WSB1: variants seen among roughly 807,000 people sequenced by gnomAD.
WSB1 encodes the protein WD repeat and SOCS box-containing protein 1.
A neutral mutation model predicts 50.2 loss-of-function variants in WSB1; 23 were observed. The observed-to-expected ratio is 0.46, with a 90% CI of 0.33 to 0.65. The LOEUF (loss-of-function observed/expected upper bound fraction) is 0.65, where lower values mean the gene tolerates loss of function less well. Among genes scored for constraint, WSB1 ranks in the 30% least tolerant of loss-of-function variants. WSB1 has a pLI of 0.02. For synonymous variants in WSB1, 179 were observed against 172.0 expected, an observed-to-expected ratio of 1.04 and a Z score of -0.32; for missense variants, 492 against 522.3, an observed-to-expected ratio of 0.94 and a Z score of 0.56.
At chr17:27,305,490 T>C (rs1262544151) in intron 4 of WSB1, among the ~76,000 whole-genome samples, 2 of 152,258 alleles carry the variant, frequency 1.3e-5, no homozygotes, top group Non-Finnish European at 2.9e-5. Context: ...GTTTTGGAGA[T>C]GCTACCTCAT....
At chr17:27,304,437 G>A (rs1443734982) in intron 3 of WSB1, among the ~76,000 whole-genome samples, 1 of 148,006 alleles carries the variant, frequency 6.8e-6, no homozygotes, top group Admixed American at 7.0e-5. Context: ...TAAAGTTCAT[G>A]CCTGTAATTC....
At chr17:27,303,293 T>A in intron 2 of WSB1, 74 bp from the exon 3 acceptor site, 3 of 1,483,702 alleles carry the variant, frequency 2.0e-6, no homozygotes, top group Non-Finnish European at 2.7e-6. Context: ...TAACAAACAC[T>A]TGTAATTATT....
At chr17:27,299,678 A>G (rs2150829971) in intron 1 of WSB1, among the ~76,000 whole-genome samples, 1 of 152,348 alleles carries the variant, frequency 6.6e-6, no homozygotes, top group South Asian at 2.1e-4. Context: ...ATTTATCCAG[A>G]AAAGTATGAT....
chr17:27,312,417 A>G lies in WSB1; in HGVS notation c.*48A>G, dbSNP rs2017723172. On this transcript the variant is annotated 3_prime_UTR_variant, in exon 9 of 9. Transcript: ENST00000262394. Reference sequence around the variant, plus strand: ...TAGGGACTGACAGAATACACTTAACACAAACCTCAAGCTTTACTGACTTCA... The same window carrying G: ...TAGGGACTGACAGAATACACTTAACGCAAACCTCAAGCTTTACTGACTTCA... The G allele has an allele frequency of 6.3e-7, 1 of 1,588,404 alleles. No individual in the cohort carries two copies. The highest frequency in any genetic ancestry group is 1.4e-5 in the African/African-American group (1 of 73,110).
chr17:27,309,879 C>T (rs1035025741), intron 6 of WSB1, among the ~76,000 whole-genome samples, 182 bp from the exon 7 acceptor site: 3 of 152,160 alleles, frequency 2.0e-5, no homozygotes, highest in African/African-American at 4.8e-5. Context: ...CTGCGCCCGA[C>T]CATAAAAGAT....
chr17:27,303,776 T>G, intron 3 of WSB1, 141 bp downstream of exon 3: 1 of 993,792 alleles, frequency 1.0e-6, no homozygotes, highest in South Asian at 1.7e-5. Context: ...ATAATAGACC[T>G]GAATGTCACC....
intron 1 of WSB1, 39 bp downstream of exon 1, chr17:27,294,474 G>T (rs1291632658): frequency 6.2e-7 from 1 of 1,610,906 alleles, no homozygotes; most frequent in African/African-American, 1.3e-5. Context: ...TGAGGGCCGA[G>T]GAGAGGCAGG....
At position 27,303,482 on chromosome 17, in the gene WSB1, A is replaced by G. The variant is rs756489918; in HGVS notation, c.325A>G (p.Ile109Val). The change falls in exon 3 of 9, where the codon ATA becomes GTA. Residue 109 changes from isoleucine (I) to valine (V), a missense_variant. Coordinates refer to ENST00000262394, the MANE Select transcript of WSB1 (RefSeq NM_015626.10). ...PREHIIDCGDIVWSLAFGSSV... is the reference protein window; with the variant it reads ...PREHIIDCGDVVWSLAFGSSV... ...TGAACATATTATAGACTGTGGAGAT[A>G]TAGTCTGGAGTCTTGCTTTTGGGTC... The G allele has an allele frequency of 3.7e-6, 6 of 1,614,054 alleles. No homozygotes were observed. Among genetic ancestry groups the G allele is most frequent in the Admixed American group, 1.7e-5 (1 of 60,000 alleles).
At chr17:27,297,229 A>G (rs1329672759) in intron 1 of WSB1, 2 of 152,000 alleles carry the variant, frequency 1.3e-5, no homozygotes, top group African/African-American at 4.8e-5. Flanking sequence ...GCAGTAGCGC[A>G]GTCTCAGCTT....
intron 5 of WSB1, chr17:27,307,565 G>C: frequency 1.6e-6 from 1 of 619,516 alleles, no homozygotes; most frequent in Non-Finnish European, 2.7e-6. Context: ...TGGGAGGCTA[G>C]TTGAAATGCA....
chr17:27,303,379 C>T lies in WSB1; in HGVS notation c.222C>T (p.Gly74=), dbSNP rs2017314563. The change falls in exon 3 of 9, where the codon GGC becomes GGT. Residue 74 remains glycine, a synonymous_variant. Coordinates refer to ENST00000262394, the MANE Select transcript of WSB1 (RefSeq NM_015626.10). ...SQCLQNFLLH[G]TKNVTNSSSL... Reference sequence around the variant, plus strand: ...TCCCCCACTCCAGTCTCTTGCATGGCACCAAGAATGTTACCAATTCAAGCA... The same window carrying T: ...TCCCCCACTCCAGTCTCTTGCATGGTACCAAGAATGTTACCAATTCAAGCA... 1 of 1,613,826 alleles carries T rather than the reference C, an allele frequency of 6.2e-7. No homozygotes were observed. Among genetic ancestry groups the T allele is most frequent in the South Asian group, 1.1e-5 (1 of 91,078 alleles).
chr17:27,304,932 A>G lies in WSB1; in HGVS notation c.610+21A>G, dbSNP rs201209966. On this transcript the variant is annotated intron_variant, in intron 4 of 8. Coordinates refer to ENST00000262394, the MANE Select transcript of WSB1 (RefSeq NM_015626.10). ...TGATGGTATGTCTTTTTTCCAAGCT[A>G]TGAACTAGGATTTGTTTCTTGATAC... 4.5e-5 allele frequency: 72 copies of G among 1,612,946 alleles called. No homozygotes were observed. In the African/African-American group the frequency reaches 7.9e-4, roughly 18 times the overall value.
rs11550667 is a variant in WSB1, at chr17:27,294,256, C to T, written c.-140C>T. On this transcript the variant is annotated 5_prime_UTR_variant, in exon 1 of 9. Transcript: ENST00000262394. ...CTTTCCCGAGGCAGTTAGCAGAAGCCGCAGCGGCCGCCCCCGCCCGTCTCC... is the reference window on the plus strand; with the variant it reads ...CTTTCCCGAGGCAGTTAGCAGAAGCTGCAGCGGCCGCCCCCGCCCGTCTCC... The T allele has an allele frequency of 5.0e-6, 6 of 1,190,880 alleles. No homozygotes were observed. In the South Asian group the frequency reaches 9.1e-5, roughly 18 times the overall value. The allele number at this position is 1,190,880 out of a possible 1,614,324, so 73.8% of individuals were successfully genotyped here. A position where few individuals can be genotyped will look rare whatever the true frequency, so the allele number is the denominator to read the frequency against.
chr17:27,297,202 G>C (rs1335026085), intron 1 of WSB1: 1 of 151,430 alleles, frequency 6.6e-6, no homozygotes, highest in Admixed American at 6.6e-5. Flanking sequence ...GTCTCGCTCC[G>C]TCGTCCAGGC....
intron 5 of WSB1, chr17:27,307,996 TAC>T: frequency 1.6e-6 from 2 of 1,237,394 alleles, no homozygotes; most frequent in Non-Finnish European, 2.0e-6. Flanking sequence ...CACAGTAAAA[TAC>T]ACTGACTCCT....
chr17:27,297,843 C>T (rs1324145728), intron 1 of WSB1, among the ~76,000 whole-genome samples: 1 of 152,018 alleles, frequency 6.6e-6, no homozygotes, highest in African/African-American at 2.4e-5. Flanking sequence ...CACGGTGGCT[C>T]ATGCGTGTAA....
chr17:27,312,345 GGA>G lies in WSB1; in HGVS notation c.1244_1245del (p.Glu415ValfsTer18). The G allele has an allele frequency of 3.7e-6, 6 of 1,614,036 alleles. No homozygotes were observed. Among genetic ancestry groups the G allele is most frequent in the Non-Finnish European group, 5.1e-6 (6 of 1,180,010 alleles). Reference protein sequence around the residue: ...QELPIPSKLLEFLSYRI With the variant: ...QELPIPSKLLXFLSYRI ...AGCTGCCGATTCCTTCCAAGCTTTTGGAGTTTCTCTCGTATCGTATTTAGAAG... is the reference window on the plus strand; with the variant it reads ...AGCTGCCGATTCCTTCCAAGCTTTTGGTTTCTCTCGTATCGTATTTAGAAG... On this transcript the variant is annotated frameshift_variant, in exon 9 of 9. Coordinates refer to ENST00000262394, the MANE Select transcript of WSB1 (RefSeq NM_015626.10). LOFTEE classifies it high-confidence loss of function.
Position 27,301,896 on chromosome 17 carries a change from C to G in WSB1, c.149C>G (p.Ala50Gly), listed in dbSNP as rs372357599. 1.2e-4 allele frequency: 201 copies of G among 1,613,344 alleles called. No homozygotes were observed. Among genetic ancestry groups the G allele is most frequent in the Non-Finnish European group, 1.6e-4 (191 of 1,179,716 alleles). The change falls in exon 2 of 9, where the codon GCT becomes GGT. Residue 50 changes from alanine (A) to glycine (G), a missense_variant. Coordinates refer to ENST00000262394, the MANE Select transcript of WSB1 (RefSeq NM_015626.10). ...TTTGCTCCAGATGGTTCATACTTTG[C>G]TTGGTCACAAGGACATCGCACAGTA... The part of the protein sequence containing the change: ...VAFAPDGSYF[A>G]WSQGHRTVKL...
chr17:27,304,692 A>C (rs1316951384), intron 3 of WSB1, 88 bp from the exon 4 acceptor site: 1 of 1,353,936 alleles, frequency 7.4e-7, no homozygotes, highest in African/African-American at 1.5e-5. Flanking sequence ...AGCCTGAGTG[A>C]CAGAGTGAGA....
Sources: allele counts gnomAD v4.1 joint callset (sites outside exome capture counted in the v4.1 genomes callset), GRCh38; gene constraint gnomAD v4.1.1; transcripts MANE v1.5; gene names NCBI Gene and HGNC (gene_info 2026-07-23, HGNC 2026-07-21).